RBM27: variants seen among roughly 807,000 people sequenced by gnomAD.
RBM27 encodes RNA binding motif protein 27.
A neutral mutation model predicts 135.3 loss-of-function variants in RBM27; 22 were observed. The observed-to-expected ratio is 0.16, with a 90% confidence interval of 0.12 to 0.23. The LOEUF (loss-of-function observed/expected upper bound fraction) is 0.23. Ranked by LOEUF, RBM27 falls within the 10% of genes least tolerant of loss-of-function variation. The pLI, the probability that RBM27 is intolerant of heterozygous loss-of-function variation, is 1.00. For synonymous variants in RBM27, 481 were observed against 442.4 expected, an observed-to-expected ratio of 1.09 and a Z score of -1.10; for missense variants, 1,009 against 1,281.0, an observed-to-expected ratio of 0.79 and a Z score of 3.24.
intron 1 of RBM27, among the ~76,000 whole-genome samples, chr5:146,215,130 A>G (rs937499706): frequency 1.3e-5 from 2 of 152,144 alleles, no homozygotes; most frequent in South Asian, 4.1e-4. Flanking sequence ...GCTTGCTGCA[A>G]CCTCTGCCTC....
chr5:146,264,756 G>A (rs776167436), intron 14 of RBM27, among the ~76,000 whole-genome samples: 1 of 149,660 alleles, frequency 6.7e-6, no homozygotes, highest in African/African-American at 2.5e-5. Flanking sequence ...CTCATGAATA[G>A]ACAGACTAGT....
In RBM27 at chr5:146,261,600, C is replaced by G; in HGVS notation, c.1984C>G (p.Leu662Val). Residue 662 changes from leucine (L) to valine (V), a missense_variant, in exon 13 of 21, where the codon CTA becomes GTA. Physicochemically the swap from Leu to Val is conservative, Grantham distance 32 (BLOSUM62 1). Around this residue, in one of 6 missense-constraint regions of RBM27, gnomAD observed 34 missense variants for 82.8 expected, o/e 0.41. Coordinates refer to ENST00000265271, the MANE Select transcript of RBM27 (RefSeq NM_018989.2). Reference sequence around the variant, plus strand: ...AGCCATTTCTAGCACAGAAGCAGTTCTAAACAACCGATTCATTCGAGTCTT... The same window carrying G: ...AGCCATTTCTAGCACAGAAGCAGTTGTAAACAACCGATTCATTCGAGTCTT... ...RKAISSTEAV[L>V]NNRFIRVLWH... is the part of the protein sequence containing the mutation. 6.2e-7 allele frequency: 1 copy of G among 1,614,118 alleles called. No individual in the cohort carries two copies. The highest frequency in any genetic ancestry group is 8.5e-7 in the Non-Finnish European group (1 of 1,179,952).
intron 13 of RBM27, among the ~76,000 whole-genome samples, chr5:146,262,115 A>G (rs1758425420): frequency 1.3e-5 from 2 of 152,200 alleles, no homozygotes; most frequent in Admixed American, 6.5e-5. Context: ...TTACATCAGA[A>G]TCACTTACCT....
At chr5:146,283,359 G>A (rs957017297) in intron 19 of RBM27, among the ~76,000 whole-genome samples, 4 of 152,000 alleles carry the variant, frequency 2.6e-5, no homozygotes, top group Admixed American at 6.6e-5. Flanking sequence ...GGGCAACATC[G>A]GGAGACCCCG....
intron 2 of RBM27, among the ~76,000 whole-genome samples, chr5:146,221,282 TAA>T (rs1446131728): frequency 8.5e-5 from 13 of 152,314 alleles, no homozygotes; most frequent in Admixed American, 2.0e-4. Context: ...CCACCAGAGA[TAA>T]AATCACTGTT....
intron 7 of RBM27, among the ~76,000 whole-genome samples, chr5:146,234,214 GT>G (rs1269915568): frequency 1.3e-5 from 2 of 151,996 alleles, no homozygotes; most frequent in Non-Finnish European, 1.5e-5. Flanking sequence ...CATGTTAGGA[GT>G]TTTATGAAAT....
Position 146,267,670 on chromosome 5 carries a change from C to A in RBM27, c.2353C>A (p.Pro785Thr). Residue 785 changes from proline (P) to threonine (T), a missense_variant, in exon 15 of 21, where the codon CCA becomes ACA. Physicochemically the swap from Pro to Thr is conservative, Grantham distance 38. Coordinates refer to ENST00000265271, the MANE Select transcript of RBM27 (RefSeq NM_018989.2). ...DCQIFSTPGH[P>T]KMIYSSSNLK... ...TTAGATATTTTCAACTCCAGGCCAT[C>A]CAAAAATGATTTACAGCTCCTCAAA... 1 of 1,581,582 alleles carries A rather than the reference C, an allele frequency of 6.3e-7. No homozygotes were observed. Among genetic ancestry groups the A allele is most frequent in the Non-Finnish European group, 8.6e-7 (1 of 1,158,092 alleles).
chr5:146,281,438 A>T (rs1759347098), intron 19 of RBM27, among the ~76,000 whole-genome samples: 1 of 152,150 alleles, frequency 6.6e-6, no homozygotes, highest in East Asian at 1.9e-4. Context: ...AAATGTTGTG[A>T]CCCTCTAAAA....
At chr5:146,248,027 A>G (rs1012225670) in intron 8 of RBM27, among the ~76,000 whole-genome samples, 1 of 152,110 alleles carries the variant, frequency 6.6e-6, no homozygotes, top group African/African-American at 2.4e-5. Context: ...GAGACATGAT[A>G]TATGTGTATT....
intron 5 of RBM27, among the ~76,000 whole-genome samples, chr5:146,230,302 A>C (rs1256133835): frequency 6.6e-6 from 1 of 152,216 alleles, no homozygotes; most frequent in African/African-American, 2.4e-5. Flanking sequence ...AAATGGATAA[A>C]ATAAGTAGAT....
intron 3 of RBM27, 102 bp downstream of exon 3, chr5:146,223,629 C>A: frequency 2.2e-6 from 3 of 1,333,750 alleles, no homozygotes; most frequent in Non-Finnish European, 3.0e-6. Context: ...TGTATTGATT[C>A]AAGTTTCCGG....
chr5:146,269,701 A>G (rs1350131118), intron 17 of RBM27, 117 bp downstream of exon 17: 37 of 566,190 alleles, frequency 6.5e-5, no homozygotes. Flanking sequence ...GATATAGGCA[A>G]ACAATTATAG....
At chr5:146,244,671 T>C (rs1052771718) in intron 8 of RBM27, among the ~76,000 whole-genome samples, 3 of 151,974 alleles carry the variant, frequency 2.0e-5, no homozygotes, top group Non-Finnish European at 2.9e-5. Context: ...CCTGAGTAGT[T>C]TGGGACCACA....
In RBM27 at chr5:146,258,493, A is replaced by G. The variant is rs189880841; in HGVS notation, c.1639A>G (p.Ile547Val). ...IQTEPPVPVS[I>V]NSNITRVVLE... ...GACTGAACCACCAGTTCCTGTTTCG[A>G]TTAATAGCAACATAACCAGAGTAGT... Residue 547 changes from isoleucine to valine, a missense_variant, in exon 11 of 21, where the codon ATT becomes GTT. Ile to Val is a conservative substitution (Grantham distance 29, BLOSUM62 3). Around this residue, in one of 6 missense-constraint regions of RBM27, gnomAD observed 329 missense variants for 368.1 expected, o/e 0.89. Coordinates refer to ENST00000265271, the MANE Select transcript of RBM27 (RefSeq NM_018989.2). 3.9e-4 allele frequency: 628 copies of G among 1,603,904 alleles called. 3 individuals are homozygous for G. In the African/African-American group the frequency reaches 7.5e-3, roughly 19 times the overall value.
intron 19 of RBM27, among the ~76,000 whole-genome samples, chr5:146,279,275 C>T (rs1444025140): frequency 6.6e-6 from 1 of 150,964 alleles, no homozygotes; most frequent in Non-Finnish European, 1.5e-5. Context: ...CAGTGAAACC[C>T]CATCTCTACT....
intron 19 of RBM27, among the ~76,000 whole-genome samples, chr5:146,277,140 A>G (rs1759124947): frequency 6.6e-6 from 1 of 152,186 alleles, no homozygotes; most frequent in Non-Finnish European, 1.5e-5. Flanking sequence ...TTAATTTTGA[A>G]AATTTCTTTA....
intron 1 of RBM27, among the ~76,000 whole-genome samples, chr5:146,212,582 G>A (rs1756013682): frequency 6.6e-6 from 1 of 151,300 alleles, no homozygotes; most frequent in African/African-American, 2.4e-5. Flanking sequence ...TTGAATTCCT[G>A]AGCTGAAGCA....
chr5:146,240,474 C>T (rs951067038), intron 8 of RBM27, among the ~76,000 whole-genome samples: 1 of 151,946 alleles, frequency 6.6e-6, no homozygotes, highest in African/African-American at 2.4e-5. Context: ...TTACAGTCGC[C>T]CACCACCACA....
intron 8 of RBM27, among the ~76,000 whole-genome samples, chr5:146,245,496 G>C (rs1358320487): frequency 6.6e-6 from 1 of 152,156 alleles, no homozygotes; most frequent in Non-Finnish European, 1.5e-5. Flanking sequence ...TAACTGTCCA[G>C]TCTTAATATA....
Sources: gnomAD v4.1 joint callset for allele counts (sites outside exome capture counted in the v4.1 genomes callset) on GRCh38, gnomAD v4.1.1 for gene constraint, gnomAD v4.1.1 regional missense constraint, MANE v1.5 for transcripts, NCBI Gene and HGNC (gene_info 2026-07-23, HGNC 2026-07-21) for gene names.